Variants in PTPRD observed in about 807,000 individuals in gnomAD.
The protein encoded by PTPRD is protein tyrosine phosphatase receptor type D, also known as receptor-type tyrosine-protein phosphatase delta.
Under a neutral mutation model 214.5 loss-of-function variants are expected in PTPRD, and 34 were observed. That is an observed-to-expected ratio of 0.16 (90% confidence interval 0.12 to 0.21). PTPRD has a LOEUF of 0.21. Ranked by LOEUF, PTPRD falls within the 10% of genes least tolerant of loss-of-function variation. PTPRD has a pLI of 1.00. For missense variants in PTPRD, 2,545 were observed against 2,398.7 expected (o/e 1.06, Z -1.27); for synonymous variants, 1,128 against 845.7 (o/e 1.33, Z -5.79).
At chr9:9,994,634 TAA>T (rs1178134257) in intron 4 of PTPRD, among the ~76,000 whole-genome samples, 1 of 151,840 alleles carries the variant, frequency 6.6e-6, no homozygotes, top group Non-Finnish European at 1.5e-5. Context: ...ATTACAAAAG[TAA>T]AAGAGAGAAA....
chr9:8,897,297 T>G (rs1455601850), intron 11 of PTPRD, among the ~76,000 whole-genome samples: 2 of 146,412 alleles, frequency 1.4e-5, no homozygotes. Flanking sequence ...ACAATAAGCA[T>G]AAGAGAAGTT....
chr9:9,630,938 A>C (rs1454716846), intron 7 of PTPRD, among the ~76,000 whole-genome samples: 6 of 152,142 alleles, frequency 3.9e-5, no homozygotes, highest in Non-Finnish European at 8.8e-5. Context: ...GAAAACAAAA[A>C]GGATAAAATA....
chr9:9,556,525 T>C (rs2081549689), intron 8 of PTPRD, among the ~76,000 whole-genome samples: 1 of 152,242 alleles, frequency 6.6e-6, no homozygotes, highest in South Asian at 2.1e-4. Flanking sequence ...CTATCAATTG[T>C]GTTTCACACT....
At chr9:8,362,596 G>C (rs1252991604) in intron 39 of PTPRD, among the ~76,000 whole-genome samples, 4 of 152,200 alleles carry the variant, frequency 2.6e-5, no homozygotes, top group East Asian at 1.9e-4. Context: ...TGTGAAGAAT[G>C]ACTGACCACC....
chr9:9,895,834 G>T (rs1369312673), intron 5 of PTPRD, among the ~76,000 whole-genome samples: 1 of 151,920 alleles, frequency 6.6e-6, no homozygotes, highest in African/African-American at 2.4e-5. Flanking sequence ...TTATACACTT[G>T]GTTTTTTATA....
intron 14 of PTPRD, among the ~76,000 whole-genome samples, chr9:8,561,947 C>T (rs2086564131): frequency 6.6e-6 from 1 of 152,102 alleles, no homozygotes; most frequent in Admixed American, 6.6e-5. Context: ...TGTCACATCA[C>T]TAGAATGTTA....
chr9:9,337,425 T>C, intron 9 of PTPRD, among the ~76,000 whole-genome samples: 1 of 152,196 alleles, frequency 6.6e-6, no homozygotes, highest in East Asian at 1.9e-4. Context: ...CATCTAACTC[T>C]TCTTGTTCTG....
chr9:10,515,194 G>A (rs1211429701), intron 2 of PTPRD, among the ~76,000 whole-genome samples: 1 of 151,958 alleles, frequency 6.6e-6, no homozygotes. Context: ...ACACTGGCAA[G>A]TATAACTTCA....
chr9:9,790,919 T>C (rs2098962500), intron 5 of PTPRD, among the ~76,000 whole-genome samples: 1 of 152,172 alleles, frequency 6.6e-6, no homozygotes, highest in South Asian at 2.1e-4. Flanking sequence ...ACAAGTATGG[T>C]AACTAGTTCA....
At chr9:8,394,916 A>G (rs1014626153) in intron 36 of PTPRD, among the ~76,000 whole-genome samples, 2 of 152,104 alleles carry the variant, frequency 1.3e-5, no homozygotes, top group African/African-American at 4.8e-5. Context: ...GTCCATGGAA[A>G]GAAGCTCTCC....
intron 2 of PTPRD, among the ~76,000 whole-genome samples, chr9:10,595,631 T>A (rs149159334): frequency 0.013 from 1,996 of 151,438 alleles, 26 homozygotes; most frequent in Non-Finnish European, 0.021. Context: ...TACTTTTAAT[T>A]TAATTGATTC....
chr9:8,346,051 A>G (rs1857303706), intron 39 of PTPRD, among the ~76,000 whole-genome samples: 2 of 152,104 alleles, frequency 1.3e-5, no homozygotes, highest in South Asian at 4.1e-4. Context: ...TATCAAAAAT[A>G]AAGATTCTAA....
intron 5 of PTPRD, among the ~76,000 whole-genome samples, chr9:9,897,240 A>AGAG (rs1325646541): frequency 6.6e-6 from 1 of 152,098 alleles, no homozygotes; most frequent in African/African-American, 2.4e-5. Context: ...ATCTAGAGGC[A>AGAG]GAGGTATGAG....
At chr9:8,644,287 G>A (rs2096641003) in intron 12 of PTPRD, among the ~76,000 whole-genome samples, 1 of 152,072 alleles carries the variant, frequency 6.6e-6, no homozygotes, top group South Asian at 2.1e-4. Flanking sequence ...GACAGGAGCT[G>A]AACATTCATC....
chr9:9,300,499 C>A (rs1234445434), intron 9 of PTPRD, among the ~76,000 whole-genome samples: 1 of 151,684 alleles, frequency 6.6e-6, no homozygotes. Context: ...GTTTGTGTTC[C>A]CCCCAAATTC....
intron 5 of PTPRD, among the ~76,000 whole-genome samples, chr9:9,831,582 C>T (rs560283379): frequency 9.2e-5 from 14 of 152,068 alleles, no homozygotes; most frequent in African/African-American, 3.1e-4. Context: ...TAGGAGTTGA[C>T]TTGCAACAGA....
At chr9:9,357,581 G>T (rs976860438) in intron 9 of PTPRD, among the ~76,000 whole-genome samples, 9 of 151,244 alleles carry the variant, frequency 6.0e-5, no homozygotes, top group African/African-American at 2.2e-4. Flanking sequence ...GACCATATAA[G>T]AATCAGAGAG....
In PTPRD at chr9:10,146,163, A is replaced by ATATATG. The variant is rs1554729266; in HGVS notation, c.-544-112379_-544-112374dup. ...AGTGAAATCATCCATATATATATAT[A>ATATATG]TATATGTATATGCCTATACAGTGAT... On this transcript the variant is annotated intron_variant, in intron 3 of 45. Transcript: ENST00000381196. Among the ~76,000 whole-genome samples the ATATATG allele has an allele frequency of 6.3e-3, 954 of 151,232 alleles. 2 individuals carry two copies. Among genetic ancestry groups the ATATATG allele is most frequent in the African/African-American group, 0.012 (479 of 41,326 alleles).
intron 5 of PTPRD, among the ~76,000 whole-genome samples, chr9:9,843,901 C>T (rs1366978857): frequency 6.6e-6 from 1 of 151,974 alleles, no homozygotes; most frequent in African/African-American, 2.4e-5. Flanking sequence ...TAGACCATGA[C>T]AACATGGCTC....
Sources: allele counts gnomAD v4.1 joint callset (sites outside exome capture counted in the v4.1 genomes callset), GRCh38; gene constraint gnomAD v4.1.1; transcripts MANE v1.5; gene names NCBI Gene and HGNC (gene_info 2026-07-23, HGNC 2026-07-21).